CELF2: variants seen among roughly 807,000 people sequenced by gnomAD.
CELF2 encodes the protein CUG triplet repeat RNA-binding protein 2.
In CELF2, 8 loss-of-function variants were observed where a neutral mutation model predicts 62.6. That is an observed-to-expected ratio of 0.13 (90% confidence interval 0.07 to 0.23). CELF2 has a LOEUF of 0.23. CELF2 is among the 10% of genes least tolerant of loss of function. The pLI is 1.00. For synonymous variants in CELF2, 258 were observed against 250.0 expected, an observed-to-expected ratio of 1.03 and a Z score of -0.30; for missense variants, 333 against 671.0, an observed-to-expected ratio of 0.50 and a Z score of 5.56.
intron 1 of CELF2, among the ~76,000 whole-genome samples, chr10:10,834,685 T>C (rs190561149): frequency 3.9e-5 from 6 of 152,344 alleles, no homozygotes; most frequent in Admixed American, 3.9e-4. Context: ...CCAAAAGCCT[T>C]TCCTCTGCAT....
chr10:10,563,006 C>T, the CELF2 span, among the ~76,000 whole-genome samples: 2 of 152,114 alleles, frequency 1.3e-5, no homozygotes, highest in Non-Finnish European at 2.9e-5. Flanking sequence ...TCCTCCCCAC[C>T]TTCTCTTTTC....
intron 1 of CELF2, among the ~76,000 whole-genome samples, chr10:10,905,481 G>A (rs527629425): frequency 7.3e-5 from 11 of 151,384 alleles, no homozygotes; most frequent in Non-Finnish European, 1.2e-4. Context: ...GGTGGCTCAC[G>A]CCCGTTAATC....
intron 1 of CELF2, among the ~76,000 whole-genome samples, chr10:10,834,626 G>A (rs1314272453): frequency 6.6e-6 from 1 of 152,150 alleles, no homozygotes; most frequent in Non-Finnish European, 1.5e-5. Flanking sequence ...TACGAGGGAT[G>A]GCTAGTAGGG....
the CELF2 span, among the ~76,000 whole-genome samples, chr10:10,482,286 A>G: frequency 1.3e-5 from 2 of 152,212 alleles, no homozygotes; most frequent in Non-Finnish European, 2.9e-5. Flanking sequence ...AAATGTATAG[A>G]GTGTATGTTT....
At chr10:11,175,319 G>GA (rs1310642229) in intron 2 of CELF2, among the ~76,000 whole-genome samples, 1 of 152,138 alleles carries the variant, frequency 6.6e-6, no homozygotes, top group Non-Finnish European at 1.5e-5. Flanking sequence ...TCAGAGCATT[G>GA]AGTCATGAGA....
the CELF2 span, among the ~76,000 whole-genome samples, chr10:10,542,091 T>C: frequency 6.6e-6 from 1 of 152,212 alleles, no homozygotes; most frequent in South Asian, 2.1e-4. Context: ...ACCGAGATGG[T>C]AATGGGACAA....
chr10:11,257,623 G>T (rs1176559915), intron 4 of CELF2, 115 bp from the exon 5 acceptor site: 3 of 1,196,182 alleles, frequency 2.5e-6, no homozygotes, highest in Non-Finnish European at 3.5e-6. Flanking sequence ...AGTTGGCCTT[G>T]GGACACGTGC....
At chr10:10,500,891 T>G in the CELF2 span, among the ~76,000 whole-genome samples, 1 of 152,234 alleles carries the variant, frequency 6.6e-6, no homozygotes, top group African/African-American at 2.4e-5. Context: ...TGCAATCACA[T>G]GATGTGTAAC....
At chr10:10,723,769 A>G in the CELF2 span, among the ~76,000 whole-genome samples, 1 of 152,180 alleles carries the variant, frequency 6.6e-6, no homozygotes, top group African/African-American at 2.4e-5. Context: ...AAAGCACAAT[A>G]TGTATTCCGT....
the CELF2 span, among the ~76,000 whole-genome samples, chr10:10,548,051 A>C: frequency 6.6e-6 from 1 of 152,206 alleles, no homozygotes; most frequent in Admixed American, 6.5e-5. Flanking sequence ...TAGAGAGACA[A>C]GGCAGCAAGT....
chr10:10,547,709 G>C, the CELF2 span, among the ~76,000 whole-genome samples: 1 of 151,956 alleles, frequency 6.6e-6, no homozygotes, highest in Non-Finnish European at 1.5e-5. Context: ...GTGTGTGTGT[G>C]TGTGTGTGTG....
At chr10:11,257,336 C>CAAAAAAAAAAAAAAAA (rs61363639) in intron 4 of CELF2, among the ~76,000 whole-genome samples, 2 of 114,748 alleles carry the variant, frequency 1.7e-5, no homozygotes, top group Non-Finnish European at 3.5e-5. Flanking sequence ...AGACCATCTA[C>CAAAAAAAAAAAAAAAA]AAAAAAAAAA....
chr10:11,049,442 A>G (rs2063482542), intron 1 of CELF2, among the ~76,000 whole-genome samples: 1 of 147,144 alleles, frequency 6.8e-6, no homozygotes, highest in South Asian at 2.1e-4. Context: ...TATGTCGAAA[A>G]TAGATGGGGG....
At chr10:10,750,022 A>G in the CELF2 span, among the ~76,000 whole-genome samples, 118,983 of 152,176 alleles carry the variant, frequency 0.78, 46,925 homozygotes, top group African/African-American at 0.86. Flanking sequence ...GGCGGCTCAC[A>G]CCTGTAATCT....
chr10:10,565,489 T>C, the CELF2 span, among the ~76,000 whole-genome samples: 1 of 152,218 alleles, frequency 6.6e-6, no homozygotes, highest in South Asian at 2.1e-4. Flanking sequence ...AATCTCTCAT[T>C]ATCCTTAATC....
chr10:10,756,939 C>T, the CELF2 span, among the ~76,000 whole-genome samples: 3 of 151,654 alleles, frequency 2.0e-5, no homozygotes, highest in African/African-American at 7.3e-5. Flanking sequence ...GTCAGGAGTT[C>T]AAGAACAGCC....
intron 8 of CELF2, among the ~76,000 whole-genome samples, chr10:11,277,064 T>G (rs2086402538): frequency 6.6e-6 from 1 of 152,220 alleles, no homozygotes; most frequent in Non-Finnish European, 1.5e-5. Context: ...ATCTGGAGTA[T>G]TCAGAGTATT....
chr10:11,259,429 TAAA>T (rs11404486), intron 5 of CELF2, among the ~76,000 whole-genome samples: 19 of 137,562 alleles, frequency 1.4e-4, no homozygotes, highest in South Asian at 2.3e-4. Flanking sequence ...GAAGGTGGTT[TAAA>T]AAAAAAAAAA....
intron 4 of CELF2, among the ~76,000 whole-genome samples, chr10:11,256,083 C>T (rs1248360845): frequency 6.6e-6 from 1 of 152,254 alleles, no homozygotes; most frequent in Non-Finnish European, 1.5e-5. Flanking sequence ...TCCTTCCACT[C>T]TGGGATGCTA....
Sources: gnomAD v4.1 joint callset for allele counts (sites outside exome capture counted in the v4.1 genomes callset) on GRCh38, gnomAD v4.1.1 for gene constraint, MANE v1.5 for transcripts, NCBI Gene and HGNC (gene_info 2026-07-23, HGNC 2026-07-21) for gene names.